ARHGEF3: variants seen among roughly 807,000 people sequenced by gnomAD.
ARHGEF3 encodes the protein Rho guanine nucleotide exchange factor 3.
ARHGEF3 carries 28 observed loss-of-function variants against 63.2 expected under a neutral mutation model. The observed-to-expected ratio is 0.44, with a 90% CI of 0.33 to 0.61. The LOEUF is 0.61. Among genes scored for constraint, ARHGEF3 ranks in the 20% least tolerant of loss-of-function variants. The probability of loss-of-function intolerance (pLI) is 0.03; values close to 1 mark genes in which losing one functional copy is unlikely to be tolerated. For missense variants in ARHGEF3, 533 were observed against 659.3 expected (o/e 0.81, Z 2.10); for synonymous variants, 266 against 254.2 (o/e 1.05, Z -0.44).
intron 3 of ARHGEF3, among the ~76,000 whole-genome samples, chr3:56,895,703 T>C (rs1389458369): frequency 6.6e-6 from 1 of 152,110 alleles, no homozygotes; most frequent in African/African-American, 2.4e-5. Flanking sequence ...GACCTTGTGA[T>C]CCACCTGCCT....
chr3:56,760,893 G>T (rs2035377092), intron 2 of ARHGEF3, among the ~76,000 whole-genome samples: 1 of 152,114 alleles, frequency 6.6e-6, no homozygotes, highest in Non-Finnish European at 1.5e-5. Flanking sequence ...CCTTTAATTA[G>T]GCTGGATTAA....
At chr3:56,759,033 CA>C (rs1350132353) in intron 2 of ARHGEF3, among the ~76,000 whole-genome samples, 1 of 152,212 alleles carries the variant, frequency 6.6e-6, no homozygotes, top group East Asian at 1.9e-4. Context: ...TTTAAATTCT[CA>C]TACATTACAA....
chr3:57,074,762 G>A lies in ARHGEF3; in HGVS notation c.-28+4464C>T, dbSNP rs140350146. 2.1e-3 allele frequency: 379 copies of A among 179,926 alleles called. 3 individuals carry two copies. The highest frequency in any genetic ancestry group is 4.2e-3 in the Non-Finnish European group (313 of 75,272). 11.1% of individuals were successfully genotyped at this position (179,926 alleles called of 1,614,324 possible). A position where few individuals can be genotyped will look rare whatever the true frequency, so the allele number is the denominator to read the frequency against. On this transcript the variant is annotated intron_variant, in intron 1 of 12. Coordinates refer to the ARHGEF3 transcript ENST00000338458. ...AGTCCACTGCCAGGGTAGGTGCAGT[G>A]GAGCAAGTCTTACAATGTGCAGGAT... is the stretch of plus-strand genomic sequence containing the variant.
chr3:56,922,679 T>G (rs2042174615), intron 3 of ARHGEF3, among the ~76,000 whole-genome samples: 1 of 152,222 alleles, frequency 6.6e-6, no homozygotes, highest in East Asian at 1.9e-4. Context: ...TTAGGGATAA[T>G]TTCTGGGAAA....
chr3:56,927,551 C>T (rs1258732515), intron 3 of ARHGEF3, among the ~76,000 whole-genome samples: 3 of 151,996 alleles, frequency 2.0e-5, no homozygotes, highest in Non-Finnish European at 4.4e-5. Context: ...TCTGCTTTAA[C>T]CCAATTTAAC....
At chr3:56,950,726 C>A (rs578011406) in intron 3 of ARHGEF3, among the ~76,000 whole-genome samples, 2 of 152,004 alleles carry the variant, frequency 1.3e-5, no homozygotes, top group Non-Finnish European at 2.9e-5. Flanking sequence ...TGTGGCGATT[C>A]CTCAGGGATC....
chr3:56,785,849 T>A (rs546137970), intron 1 of ARHGEF3, among the ~76,000 whole-genome samples: 47 of 152,180 alleles, frequency 3.1e-4, no homozygotes, highest in Non-Finnish European at 5.1e-4. Context: ...GGGTAAAAAC[T>A]ACAGGGACGT....
intron 4 of ARHGEF3, among the ~76,000 whole-genome samples, chr3:56,751,660 G>A (rs1393611524): frequency 2.6e-5 from 4 of 152,138 alleles, no homozygotes; most frequent in Non-Finnish European, 5.9e-5. Flanking sequence ...CTAGGAAAGA[G>A]CACAAATCCT....
intron 1 of ARHGEF3, among the ~76,000 whole-genome samples, chr3:57,050,417 G>A (rs529873623): frequency 1.3e-5 from 2 of 152,380 alleles, no homozygotes; most frequent in East Asian, 3.9e-4. Context: ...AGGCCACAGA[G>A]CAGGGCAGCT....
At chr3:56,902,049 TC>T (rs2041526831) in intron 3 of ARHGEF3, among the ~76,000 whole-genome samples, 1 of 152,124 alleles carries the variant, frequency 6.6e-6, no homozygotes, top group Admixed American at 6.6e-5. Flanking sequence ...CACACTGAAA[TC>T]GCCAACAAAA....
chr3:57,017,215 C>T (rs1195707671), intron 2 of ARHGEF3, among the ~76,000 whole-genome samples: 3 of 152,080 alleles, frequency 2.0e-5, no homozygotes, highest in East Asian at 1.9e-4. Context: ...GCATTCTATG[C>T]GTGGAGTTGG....
chr3:57,062,310 C>T (rs1219626284), intron 1 of ARHGEF3, among the ~76,000 whole-genome samples: 1 of 152,162 alleles, frequency 6.6e-6, no homozygotes, highest in Non-Finnish European at 1.5e-5. Flanking sequence ...GTTAGGATGA[C>T]CCTGAGGAAG....
intron 1 of ARHGEF3, among the ~76,000 whole-genome samples, chr3:56,793,411 C>T (rs142703507): frequency 0.033 from 5,076 of 152,258 alleles, 219 homozygotes; most frequent in South Asian, 0.18. Context: ...CCTCATGATC[C>T]GCTCGCCTCG....
At chr3:56,748,354 C>A (rs2107745701) in intron 6 of ARHGEF3, among the ~76,000 whole-genome samples, 1 of 152,232 alleles carries the variant, frequency 6.6e-6, no homozygotes, top group East Asian at 1.9e-4. Context: ...ATTGAAGAAA[C>A]TGTCGTTTAG....
intron 4 of ARHGEF3, among the ~76,000 whole-genome samples, chr3:56,837,349 C>T (rs1237000257): frequency 2.0e-5 from 3 of 152,068 alleles, no homozygotes; most frequent in Non-Finnish European, 2.9e-5. Flanking sequence ...AGGATCAAAC[C>T]CTTGTCTTGT....
chr3:56,856,700 G>GT lies in ARHGEF3; in HGVS notation c.192+25591_192+25592insA, dbSNP rs1559996435. 7.1e-5 allele frequency among the ~76,000 whole-genome samples: 6 copies of GT among 83,944 alleles called. No individual in the cohort carries two copies. The East Asian group carries it at 2.3e-3, about 32-fold the overall frequency. 55.1% of individuals were successfully genotyped at this position (83,944 alleles called of 152,430 possible). On this transcript the variant is annotated intron_variant, in intron 4 of 12. Transcript: ENST00000338458. ...AGCCAAATTCTTTTCCATCTTGAGA[G>GT]GTTTTTTGTTTTTTTTTTTTAACTT... is the stretch of plus-strand genomic sequence containing the variant.
At chr3:56,776,188 G>A (rs2036276676) in intron 1 of ARHGEF3, among the ~76,000 whole-genome samples, 1 of 152,160 alleles carries the variant, frequency 6.6e-6, no homozygotes, top group Non-Finnish European at 1.5e-5. Context: ...TGACTTTGCT[G>A]TCCATTTTGC....
At chr3:57,070,107 T>TA in intron 1 of ARHGEF3, among the ~76,000 whole-genome samples, 1 of 152,314 alleles carries the variant, frequency 6.6e-6, no homozygotes, top group East Asian at 1.9e-4. Flanking sequence ...TAAAACAAGA[T>TA]AAAATGGAGC....
At chr3:56,855,934 G>C (rs1295033394) in intron 4 of ARHGEF3, among the ~76,000 whole-genome samples, 1 of 152,214 alleles carries the variant, frequency 6.6e-6, no homozygotes, top group Non-Finnish European at 1.5e-5. Context: ...CAATATCCCA[G>C]AAAAGACAAG....
Sources: gnomAD v4.1 joint callset for allele counts (sites outside exome capture counted in the v4.1 genomes callset) on GRCh38, gnomAD v4.1.1 for gene constraint, MANE v1.5 for transcripts, NCBI Gene and HGNC (gene_info 2026-07-23, HGNC 2026-07-21) for gene names.